Variants in PARD3 observed in about 807,000 individuals in gnomAD.
PARD3 encodes partitioning defective 3 homolog.
In PARD3, 75 loss-of-function variants were observed where a neutral mutation model predicts 155.4. The ratio of observed to expected loss-of-function variants is 0.48; its 90% CI spans 0.40 to 0.58. The LOEUF is 0.58. PARD3 is among the 20% of genes least tolerant of loss of function. PARD3 has a pLI of 0.00. For synonymous variants in PARD3, 576 were observed against 610.5 expected, an observed-to-expected ratio of 0.94 and a Z score of 0.83; for missense variants, 1,642 against 1,721.7, an observed-to-expected ratio of 0.95 and a Z score of 0.82.
chr10:34,497,526 AT>A (rs544080891), intron 3 of PARD3, among the ~76,000 whole-genome samples: 61 of 152,252 alleles, frequency 4.0e-4, no homozygotes, highest in African/African-American at 1.4e-3. Flanking sequence ...TTAAGGTTAT[AT>A]TTTTTTAAAG....
chr10:34,499,705 T>C (rs1008779260), intron 3 of PARD3, among the ~76,000 whole-genome samples: 1 of 152,208 alleles, frequency 6.6e-6, no homozygotes. Flanking sequence ...TCTATTTCTC[T>C]AAGCCAACTC....
chr10:34,602,338 T>C (rs935009413), intron 2 of PARD3, among the ~76,000 whole-genome samples: 2 of 152,240 alleles, frequency 1.3e-5, no homozygotes, highest in Non-Finnish European at 2.9e-5. Flanking sequence ...ATATTGTAGA[T>C]CCACTAATGG....
At chr10:34,489,493 C>G (rs753885977) in intron 3 of PARD3, among the ~76,000 whole-genome samples, 3 of 152,238 alleles carry the variant, frequency 2.0e-5, no homozygotes, top group Non-Finnish European at 4.4e-5. Context: ...TCTGTCTTAA[C>G]TGTTCCAGTT....
chr10:34,303,284 C>T (rs118133843), intron 20 of PARD3, among the ~76,000 whole-genome samples: 1 of 151,224 alleles, frequency 6.6e-6, no homozygotes, highest in African/African-American at 2.4e-5. Flanking sequence ...GCTATTGCTA[C>T]GGCCTAGAAA....
At chr10:34,665,761 C>T (rs759656089) in intron 2 of PARD3, among the ~76,000 whole-genome samples, 12 of 151,360 alleles carry the variant, frequency 7.9e-5, no homozygotes, top group Admixed American at 1.3e-4. Flanking sequence ...TCACTTGAAC[C>T]CAGGAGGCGG....
At chr10:34,542,234 T>TGTGCACGTGTGTGCAC (rs1554889665) in intron 2 of PARD3, among the ~76,000 whole-genome samples, 1 of 146,198 alleles carries the variant, frequency 6.8e-6, no homozygotes, top group African/African-American at 2.5e-5. Flanking sequence ...TGTGTGTGTG[T>TGTGCACGTGTGTGCAC]GTGTGCACAC....
intron 5 of PARD3, among the ~76,000 whole-genome samples, chr10:34,430,723 T>C (rs2075856808): frequency 1.3e-5 from 2 of 152,200 alleles, no homozygotes; most frequent in Non-Finnish European, 2.9e-5. Context: ...CTGTCCGCTA[T>C]GGTATTAAAG....
intron 22 of PARD3, among the ~76,000 whole-genome samples, chr10:34,207,110 C>G (rs1056674586): frequency 6.6e-6 from 1 of 152,168 alleles, no homozygotes; most frequent in East Asian, 1.9e-4. Flanking sequence ...GGTGAGGCCT[C>G]TCTGCTTACA....
intron 1 of PARD3, among the ~76,000 whole-genome samples, chr10:34,731,518 T>C (rs2094816756): frequency 6.6e-6 from 1 of 152,230 alleles, no homozygotes; most frequent in Non-Finnish European, 1.5e-5. Context: ...ACATGTCCTA[T>C]AAAGTTTCTC....
chr10:34,372,495 T>C lies in PARD3; in HGVS notation c.1707+3A>G. On this transcript the variant is annotated splice_donor_region_variant and intron_variant, in intron 12 of 24. Coordinates refer to ENST00000374788, the MANE Select transcript of PARD3 (RefSeq NM_001184785.2). ...TGCATCCTTCAAAAGACAAAGCTCT[T>C]ACCGTTTCTTTTGGAATCTGCATCT... The C allele has an allele frequency of 2.5e-6, 4 of 1,606,614 alleles. No individual in the cohort carries two copies. Among genetic ancestry groups the C allele is most frequent in the Non-Finnish European group, 3.4e-6 (4 of 1,173,428 alleles).
intron 22 of PARD3, among the ~76,000 whole-genome samples, chr10:34,165,785 T>C (rs12245892): frequency 1.3e-3 from 198 of 152,280 alleles, no homozygotes; most frequent in African/African-American, 4.5e-3. Flanking sequence ...TTACATCTCT[T>C]TGTTTGTTCC....
chr10:34,411,732 CTAGATAGATAGA>C (rs3040339), intron 5 of PARD3, among the ~76,000 whole-genome samples: 1,648 of 148,202 alleles, frequency 0.011, 14 homozygotes, highest in South Asian at 0.03. Context: ...ACATACATAT[CTAGATAGATAGA>C]TAGATAGATA....
chr10:34,675,439 C>G (rs1428070585), intron 2 of PARD3, among the ~76,000 whole-genome samples: 1 of 152,158 alleles, frequency 6.6e-6, no homozygotes, highest in Non-Finnish European at 1.5e-5. Flanking sequence ...GAATTTCAAC[C>G]ATTTACTTCA....
At chr10:34,223,895 G>A (rs767682633) in intron 22 of PARD3, among the ~76,000 whole-genome samples, 1 of 152,186 alleles carries the variant, frequency 6.6e-6, no homozygotes, top group Non-Finnish European at 1.5e-5. Flanking sequence ...CCAGCAGGTG[G>A]CAGCCCCTGG....
intron 2 of PARD3, among the ~76,000 whole-genome samples, chr10:34,655,801 A>G (rs2093151778): frequency 6.6e-6 from 1 of 152,244 alleles, no homozygotes; most frequent in African/African-American, 2.4e-5. Context: ...ACTGGAGACC[A>G]GGAAATTGGG....
chr10:34,254,641 A>G (rs1954558950), intron 22 of PARD3, among the ~76,000 whole-genome samples: 1 of 151,910 alleles, frequency 6.6e-6, no homozygotes, highest in Non-Finnish European at 1.5e-5. Flanking sequence ...ATCACCCCTT[A>G]GAAGCCCATC....
intron 2 of PARD3, among the ~76,000 whole-genome samples, chr10:34,545,978 T>C (rs1274796163): frequency 1.3e-5 from 2 of 152,190 alleles, no homozygotes; most frequent in Non-Finnish European, 2.9e-5. Flanking sequence ...ACTGTAGAAT[T>C]ATAAGGGATG....
At chr10:34,213,443 G>A (rs560985739) in intron 22 of PARD3, among the ~76,000 whole-genome samples, 25 of 152,224 alleles carry the variant, frequency 1.6e-4, no homozygotes, top group African/African-American at 5.8e-4. Flanking sequence ...GGGGTCAAAC[G>A]TCAATATGAG....
At chr10:34,123,006 C>T (rs926458592) in intron 23 of PARD3, among the ~76,000 whole-genome samples, 4 of 152,212 alleles carry the variant, frequency 2.6e-5, no homozygotes, top group African/African-American at 9.6e-5. Context: ...GTAACACCCA[C>T]ATAGGGAAAT....
Sources: allele counts gnomAD v4.1 joint callset (sites outside exome capture counted in the v4.1 genomes callset), GRCh38; gene constraint gnomAD v4.1.1; transcripts MANE v1.5; gene names NCBI Gene and HGNC (gene_info 2026-07-23, HGNC 2026-07-21).